Variants in ELL observed in about 807,000 individuals in gnomAD.
The protein encoded by ELL is RNA polymerase II elongation factor ELL.
ELL carries 18 observed loss-of-function variants against 64.0 expected under a neutral mutation model. That is an observed-to-expected ratio of 0.28 (90% CI 0.19 to 0.42). The LOEUF (loss-of-function observed/expected upper bound fraction) is 0.42. Ranked by LOEUF, ELL falls within the 10% of genes least tolerant of loss-of-function variation. The pLI is 1.00. For synonymous variants in ELL, 399 were observed against 376.2 expected (o/e 1.06, Z -0.70); for missense variants, 797 against 870.4 (o/e 0.92, Z 1.06).
rs1975782012 is a variant in ELL, at chr19:18,501,667, C to T, written c.135+20254G>A. 6.6e-6 allele frequency among the ~76,000 whole-genome samples: 1 copy of T among 152,236 alleles called. No homozygotes were observed. Among genetic ancestry groups the T allele is most frequent in the South Asian group, 2.1e-4 (1 of 4,838 alleles). ...GACAGGATCTGCCCAATCCCAGGCA[C>T]TTCCCACTGGTCCATCTGACACACC... On this transcript the variant is annotated intron_variant, in intron 1 of 11. Coordinates refer to ENST00000262809, the MANE Select transcript of ELL (RefSeq NM_006532.4). This position sits in a 1 kb window ranked among gnomAD's most constrained non-coding sequence, Gnocchi z 4.5.
chr19:18,521,277 C>T (rs1473907396), intron 1 of ELL, among the ~76,000 whole-genome samples: 3 of 152,116 alleles, frequency 2.0e-5, no homozygotes, highest in Non-Finnish European at 2.9e-5. Context: ...AAAGCTGGGA[C>T]AAGCTGTCAG....
chr19:18,468,227 T>C lies in ELL; in HGVS notation c.184-2309A>G, dbSNP rs868424109. 6.7e-4 allele frequency among the ~76,000 whole-genome samples: 99 copies of C among 148,012 alleles called. 1 individual carries two copies. The highest frequency in any genetic ancestry group is 3.5e-3 in the Middle Eastern group (1 of 282). The stretch of plus-strand genomic sequence containing the variant: ...AACCCCCACACACACAAACAATCCA[T>C]ACACACACACACACACAAACACAAT... On this transcript the variant is annotated intron_variant, in intron 2 of 11. Coordinates refer to ENST00000262809, the MANE Select transcript of ELL (RefSeq NM_006532.4).
At chr19:18,459,526 T>TAACAGTTGAGTAATA (rs1230110716) in intron 5 of ELL, among the ~76,000 whole-genome samples, 2 of 151,704 alleles carry the variant, frequency 1.3e-5, no homozygotes, top group South Asian at 2.1e-4. Flanking sequence ...GGAGCATTTT[T>TAACAGTTGAGTAATA]TTTTTTTTTT....
chr19:18,482,581 C>T (rs753092790), intron 1 of ELL, among the ~76,000 whole-genome samples: 6 of 151,934 alleles, frequency 3.9e-5, no homozygotes, highest in Admixed American at 1.3e-4. Context: ...CAAGTGATTT[C>T]GGCCTCCCAA....
At chr19:18,447,627 T>G (rs2144887798) in intron 8 of ELL, among the ~76,000 whole-genome samples, 1 of 152,284 alleles carries the variant, frequency 6.6e-6, no homozygotes, top group African/African-American at 2.4e-5. Context: ...ACAACACCCC[T>G]GAGGGTCTGG....
intron 8 of ELL, among the ~76,000 whole-genome samples, chr19:18,447,511 C>T (rs1291815867): frequency 1.3e-5 from 2 of 152,256 alleles, no homozygotes; most frequent in African/African-American, 4.8e-5. Context: ...CTCAGCCCTT[C>T]GCCCCTTCAG....
intron 1 of ELL, among the ~76,000 whole-genome samples, chr19:18,478,752 C>G (rs1600469010): frequency 6.6e-6 from 1 of 152,238 alleles, no homozygotes; most frequent in African/African-American, 2.4e-5. Flanking sequence ...GACCCTGACT[C>G]GGAGAACAGA....
intron 1 of ELL, among the ~76,000 whole-genome samples, chr19:18,493,596 G>A (rs183279991): frequency 2.0e-5 from 3 of 152,232 alleles, no homozygotes; most frequent in Non-Finnish European, 2.9e-5. Context: ...GGCAAGGCAC[G>A]CAGAACGACT....
At chr19:18,460,331 A>G (rs4808801) in intron 5 of ELL, among the ~76,000 whole-genome samples, 67,022 of 152,068 alleles carry the variant, frequency 0.44, 16,657 homozygotes, top group African/African-American at 0.69. Flanking sequence ...AGCAAGAAGC[A>G]GACGAGCTGT....
At chr19:18,506,312 A>C (rs1247783435) in intron 1 of ELL, among the ~76,000 whole-genome samples, 1 of 152,220 alleles carries the variant, frequency 6.6e-6, no homozygotes, top group Non-Finnish European at 1.5e-5. Context: ...CCTGCTCCTA[A>C]GCCGCCTCCC....
intron 1 of ELL, among the ~76,000 whole-genome samples, chr19:18,511,338 G>A (rs1351864577): frequency 6.6e-6 from 1 of 152,222 alleles, no homozygotes; most frequent in Non-Finnish European, 1.5e-5. Flanking sequence ...GCTGAGGCAG[G>A]AGAATTGCTT....
At position 18,479,399 on chromosome 19, in the gene ELL, C is replaced by A. The variant is rs145095625; in HGVS notation, c.136-6517G>T. ...ATATAAAATATAAATGGAAAAGTTACGGGTGAAGAAGAACGTATCTGATTG... is the reference window on the plus strand; with the variant it reads ...ATATAAAATATAAATGGAAAAGTTAAGGGTGAAGAAGAACGTATCTGATTG... On this transcript the variant is annotated intron_variant, in intron 1 of 11. Transcript: ENST00000262809. 5.9e-5 allele frequency among the ~76,000 whole-genome samples: 9 copies of A among 152,248 alleles called. No individual in the cohort carries two copies. The South Asian group carries it at 8.3e-4, about 14-fold the overall frequency.
chr19:18,462,371 G>GTGTGTGTGTTT lies in ELL; in HGVS notation c.470-520_470-519insAAACACACACA, dbSNP rs1321676465. ...TGTGTGTGTGTGTGTGTGTTTGGGC[G>GTGTGTGTGTTT]GGGGGCGGGGGGGGAAGGATTGTTT... On this transcript the variant is annotated intron_variant, in intron 4 of 11. Coordinates refer to ENST00000262809, the MANE Select transcript of ELL (RefSeq NM_006532.4). Among the ~76,000 whole-genome samples, 2 of 76,306 alleles carry GTGTGTGTGTTT rather than the reference G, an allele frequency of 2.6e-5. 1 individual carries two copies. The highest frequency in any genetic ancestry group is 1.4e-4 in the African/African-American group (2 of 14,366). The allele number at this position is 76,306 out of a possible 152,430, so 50.1% of individuals were successfully genotyped here. A position where few individuals can be genotyped will look rare whatever the true frequency, so the allele number is the denominator to read the frequency against.
chr19:18,446,096 C>G, intron 10 of ELL: 2 of 605,636 alleles, frequency 3.3e-6, no homozygotes, highest in Non-Finnish European at 5.6e-6. Flanking sequence ...AGGAGGCTGA[C>G]AAGCTGGGCT....
chr19:18,477,068 T>C (rs761121754), intron 1 of ELL, among the ~76,000 whole-genome samples: 4 of 152,160 alleles, frequency 2.6e-5, no homozygotes, highest in Non-Finnish European at 5.9e-5. Flanking sequence ...AGCACAGAGA[T>C]GCCGACTGAA....
chr19:18,516,501 T>C (rs1338426874), intron 1 of ELL, among the ~76,000 whole-genome samples: 2 of 152,210 alleles, frequency 1.3e-5, no homozygotes, highest in African/African-American at 4.8e-5. Flanking sequence ...TTCTGTCTCC[T>C]GCCACTAGAA....
At chr19:18,508,611 C>T (rs1263970747) in intron 1 of ELL, among the ~76,000 whole-genome samples, 2 of 152,240 alleles carry the variant, frequency 1.3e-5, no homozygotes, top group African/African-American at 4.8e-5. Context: ...GACAGTGGTT[C>T]CATTAACACA....
chr19:18,472,175 G>A (rs552153944), intron 2 of ELL, among the ~76,000 whole-genome samples: 2 of 152,078 alleles, frequency 1.3e-5, no homozygotes, highest in Non-Finnish European at 2.9e-5. Flanking sequence ...TGGTCAGGCT[G>A]GTCTCAAACT....
chr19:18,488,386 T>C (rs1409424194), intron 1 of ELL, among the ~76,000 whole-genome samples: 1 of 152,182 alleles, frequency 6.6e-6, no homozygotes, highest in African/African-American at 2.4e-5. Context: ...AGGAAGCACG[T>C]GGCACTGCCA....
Sources: gnomAD v4.1 joint callset for allele counts (sites outside exome capture counted in the v4.1 genomes callset) on GRCh38, gnomAD v4.1.1 for gene constraint, Gnocchi (gnomAD v3.1) non-coding constraint, MANE v1.5 for transcripts, NCBI Gene and HGNC (gene_info 2026-07-23, HGNC 2026-07-21) for gene names.